Variants in CCDC9 observed in about 807,000 individuals in gnomAD.
The protein encoded by CCDC9 is coiled-coil domain containing 9, also known as coiled-coil domain-containing protein 9.
In CCDC9, 52 loss-of-function variants were observed where a neutral mutation model predicts 65.6. The ratio of observed to expected loss-of-function variants is 0.79; its 90% CI spans 0.63 to 1.00. The LOEUF (loss-of-function observed/expected upper bound fraction) is 1.00, where lower values mean the gene tolerates loss of function less well. CCDC9 is among the 50% of genes least tolerant of loss of function. CCDC9 has a pLI of 0.00. For synonymous variants in CCDC9, 332 were observed against 280.3 expected (o/e 1.18, Z -1.84); for missense variants, 834 against 757.2 (o/e 1.10, Z -1.19).
downstream of CCDC9, chr19:47,273,533 C>A: frequency 2.1e-6 from 1 of 471,720 alleles, no homozygotes; most frequent in Non-Finnish European, 3.4e-6. Flanking sequence ...TCCTCTGCTT[C>A]TGCCACACTC....
downstream of CCDC9, among the ~76,000 whole-genome samples, chr19:47,272,373 T>C (rs2059129633): frequency 6.6e-6 from 1 of 151,834 alleles, no homozygotes; most frequent in Non-Finnish European, 1.5e-5. Context: ...GCCAAGCCAA[T>C]AGGAATTTGG....
chr19:47,263,322 A>G (rs994809436), intron 5 of CCDC9, among the ~76,000 whole-genome samples: 1 of 152,082 alleles, frequency 6.6e-6, no homozygotes, highest in African/African-American at 2.4e-5. Flanking sequence ...GATTTATCAC[A>G]GTGAAAGAGA....
At chr19:47,260,226 G>T in intron 3 of CCDC9, 95 bp from the exon 4 acceptor site, 1 of 860,110 alleles carries the variant, frequency 1.2e-6, no homozygotes. Flanking sequence ...GAGAGGCCTG[G>T]GCTGGGGCCA....
intron 10 of CCDC9, 129 bp from the exon 11 acceptor site, chr19:47,270,953 G>A (rs552055622): frequency 2.3e-5 from 18 of 778,200 alleles, no homozygotes; most frequent in South Asian, 2.2e-4. Flanking sequence ...ACACACATCC[G>A]CCATTCCCTC....
chr19:47,265,057 C>A, intron 7 of CCDC9, 111 bp downstream of exon 7: 2 of 948,586 alleles, frequency 2.1e-6, no homozygotes, highest in Non-Finnish European at 2.8e-6. Context: ...TGTGCCACAG[C>A]ACAGGACTTT....
downstream of CCDC9, chr19:47,274,777 T>TCG (rs1324351359): frequency 2.4e-5 from 10 of 413,710 alleles, no homozygotes; most frequent in Non-Finnish European, 3.1e-5. Flanking sequence ...AGGCGGCAGC[T>TCG]CGCGTGGGGG....
chr19:47,260,494 G>GC, intron 4 of CCDC9, 72 bp downstream of exon 4: 1 of 1,603,414 alleles, frequency 6.2e-7, no homozygotes, highest in South Asian at 1.1e-5. Context: ...GGACCCAGGA[G>GC]CCCCCAGCTG....
chr19:47,257,532 C>G (rs766387604), intron 1 of CCDC9: 2 of 152,460 alleles, frequency 1.3e-5, no homozygotes, highest in East Asian at 3.8e-4. Context: ...CCCTGGCATT[C>G]CCAGCCGGAT....
chr19:47,265,879 G>C (rs531815208), intron 7 of CCDC9, among the ~76,000 whole-genome samples: 139 of 150,936 alleles, frequency 9.2e-4, no homozygotes, highest in Non-Finnish European at 1.7e-3. Flanking sequence ...GTAGAGATGG[G>C]GTTTCACCAT....
At chr19:47,275,073 G>T (rs2059148970), downstream of CCDC9, 3 of 1,496,524 alleles carry the variant, frequency 2.0e-6, no homozygotes, top group Admixed American at 2.2e-5. Context: ...CGTGTACTAC[G>T]GTCTCATCTG....
In CCDC9 at chr19:47,264,958, C is replaced by A; in HGVS notation, c.720+12C>A. On this transcript the variant is annotated intron_variant, in intron 7 of 11. Coordinates refer to ENST00000221922, the MANE Select transcript of CCDC9 (RefSeq NM_015603.3). Reference sequence around the variant, plus strand: ...AGCACGAGCGGCAGGTGGGTGTTGGCAGTGAGGACACCTCGGGGCTCTCAG... The same window carrying A: ...AGCACGAGCGGCAGGTGGGTGTTGGAAGTGAGGACACCTCGGGGCTCTCAG... The A allele has an allele frequency of 7.0e-7, 1 of 1,437,298 alleles. No individual in the cohort carries two copies. Among genetic ancestry groups the A allele is most frequent in the East Asian group, 2.5e-5 (1 of 40,048 alleles). The allele number at this position is 1,437,298 out of a possible 1,614,324, so 89.0% of individuals were successfully genotyped here. A position where few individuals can be genotyped will look rare whatever the true frequency, so the allele number is the denominator to read the frequency against.
chr19:47,260,910 C>G, intron 5 of CCDC9, 71 bp downstream of exon 5: 1 of 1,530,300 alleles, frequency 6.5e-7, no homozygotes, highest in African/African-American at 1.4e-5. Flanking sequence ...TTCCTCCTCT[C>G]AGATGCACAT....
downstream of CCDC9, chr19:47,275,293 G>C (rs1181293887): frequency 1.3e-6 from 2 of 1,546,036 alleles, no homozygotes; most frequent in Non-Finnish European, 8.7e-7. Flanking sequence ...CGCCGTCCGA[G>C]CCGCCAGACA....
intron 8 of CCDC9, among the ~76,000 whole-genome samples, chr19:47,268,591 T>C (rs969433543): frequency 6.6e-6 from 1 of 152,058 alleles, no homozygotes; most frequent in Non-Finnish European, 1.5e-5. Context: ...TTCTTATGTG[T>C]CCTAAAAGCA....
downstream of CCDC9, chr19:47,274,660 G>C (rs2059144675): frequency 4.0e-6 from 1 of 250,322 alleles, no homozygotes; most frequent in Non-Finnish European, 7.1e-6. Flanking sequence ...CGGTGATTGG[G>C]GTGGTGGGGC....
intron 5 of CCDC9, among the ~76,000 whole-genome samples, 158 bp downstream of exon 5, chr19:47,260,997 C>G (rs183203968): frequency 1.2e-3 from 182 of 152,196 alleles, no homozygotes; most frequent in Non-Finnish European, 2.2e-3. Context: ...CCTCCACCTC[C>G]TTCTCCTCCT....
chr19:47,258,051 A>G (rs1391141240), intron 1 of CCDC9: 1 of 382,286 alleles, frequency 2.6e-6, no homozygotes, highest in Non-Finnish European at 4.8e-6. Flanking sequence ...GCAGTGTTGG[A>G]TACTTAAGCA....
downstream of CCDC9, among the ~76,000 whole-genome samples, chr19:47,272,398 A>T (rs2059129739): frequency 6.6e-6 from 1 of 151,994 alleles, no homozygotes; most frequent in South Asian, 2.1e-4. Flanking sequence ...GAGGTTGAGG[A>T]GGTGGGGTTA....
At position 47,260,435 on chromosome 19, in the gene CCDC9, C is replaced by G. The variant is rs528543723; in HGVS notation, c.210+13C>G. ...GGCAGTGGAGTCGGTGAGCTCGTCA[C>G]TGGGGTGTGGGACCCTGAGGATGGG... On this transcript the variant is annotated intron_variant, in intron 4 of 11. Transcript: ENST00000221922. 235 of 1,609,556 alleles carry G rather than the reference C, an allele frequency of 1.5e-4. No homozygotes were observed. Among genetic ancestry groups the G allele is most frequent in the Non-Finnish European group, 1.9e-4 (229 of 1,177,752 alleles).
Sources: gnomAD v4.1 joint callset for allele counts (sites outside exome capture counted in the v4.1 genomes callset) on GRCh38, gnomAD v4.1.1 for gene constraint, MANE v1.5 for transcripts, NCBI Gene and HGNC (gene_info 2026-07-23, HGNC 2026-07-21) for gene names.